The following KHDRBS2 variants were observed in gnomAD, a reference collection of about 807,000 sequenced individuals.
The protein encoded by KHDRBS2 is KH RNA binding domain containing, signal transduction associated 2.
A neutral mutation model predicts 44.3 loss-of-function variants in KHDRBS2; 26 were observed. The ratio of observed to expected loss-of-function variants is 0.59; its 90% confidence interval spans 0.43 to 0.81. The LOEUF (loss-of-function observed/expected upper bound fraction) is 0.81, where lower values mean the gene tolerates loss of function less well. Among genes scored for constraint, KHDRBS2 ranks in the 40% least tolerant of loss-of-function variants. The pLI is 0.00. For synonymous variants in KHDRBS2, 194 were observed against 151.1 expected (o/e 1.28, Z -2.08); for missense variants, 476 against 433.1 (o/e 1.10, Z -0.88).
rs148058062 is a variant in KHDRBS2, at chr6:61,989,575, T to C, written c.337-11363A>G. On this transcript the variant is annotated intron_variant, in intron 3 of 8. Transcript: ENST00000281156. ...TGCTTGGCTATAAAAAAATGTGAGA[T>C]TTCTTTCTGTCTTTGCAATCTCTTA... Among the ~76,000 whole-genome samples, 52 of 152,288 alleles carry C rather than the reference T, an allele frequency of 3.4e-4. No individual in the cohort carries two copies. The East Asian group carries it at 8.9e-3, about 26-fold the overall frequency.
At chr6:61,941,776 A>T (rs951572911) in intron 4 of KHDRBS2, among the ~76,000 whole-genome samples, 1 of 152,192 alleles carries the variant, frequency 6.6e-6, no homozygotes, top group African/African-American at 2.4e-5. Flanking sequence ...TTCTGCTATT[A>T]AAGCAAATTT....
At chr6:61,914,294 GATTGA>G (rs948502611) in intron 4 of KHDRBS2, among the ~76,000 whole-genome samples, 1 of 152,064 alleles carries the variant, frequency 6.6e-6, no homozygotes, top group African/African-American at 2.4e-5. Flanking sequence ...TTGTGCAACT[GATTGA>G]ATTGTAGTGC....
the KHDRBS2 span, among the ~76,000 whole-genome samples, chr6:61,644,355 G>A: frequency 5.9e-5 from 9 of 152,090 alleles, no homozygotes; most frequent in African/African-American, 2.2e-4. Flanking sequence ...TAAAATCCCT[G>A]GAAGACAACT....
intron 6 of KHDRBS2, among the ~76,000 whole-genome samples, chr6:61,840,043 A>C (rs1164103631): frequency 6.6e-6 from 1 of 152,070 alleles, no homozygotes; most frequent in Admixed American, 6.6e-5. Context: ...TTTTATAATA[A>C]TATTTGTCTT....
At chr6:62,027,943 C>T (rs1355370109) in intron 3 of KHDRBS2, among the ~76,000 whole-genome samples, 1 of 152,054 alleles carries the variant, frequency 6.6e-6, no homozygotes, top group Non-Finnish European at 1.5e-5. Flanking sequence ...AATTAACAAA[C>T]CCGAGGAAGT....
intron 1 of KHDRBS2, among the ~76,000 whole-genome samples, chr6:62,196,613 G>A (rs1177001813): frequency 6.6e-6 from 1 of 152,010 alleles, no homozygotes; most frequent in East Asian, 1.9e-4. Context: ...AACCCACATT[G>A]CCAGTTTCAG....
At chr6:61,817,031 G>A (rs982773259) in intron 6 of KHDRBS2, 5 of 453,394 alleles carry the variant, frequency 1.1e-5, no homozygotes, top group Non-Finnish European at 2.2e-5. Flanking sequence ...GAGGTACAGA[G>A]GTATGAGTTC....
the KHDRBS2 span, among the ~76,000 whole-genome samples, chr6:61,663,642 A>T: frequency 4.7e-5 from 7 of 149,032 alleles, no homozygotes; most frequent in African/African-American, 4.9e-5. Context: ...AGTATCCTTA[A>T]TGGCACGTGT....
At chr6:61,782,794 C>T (rs1251097536) in intron 6 of KHDRBS2, among the ~76,000 whole-genome samples, 2 of 146,552 alleles carry the variant, frequency 1.4e-5, no homozygotes, top group Non-Finnish European at 3.0e-5. Flanking sequence ...TATATATGGT[C>T]GGTCTGATCT....
intron 2 of KHDRBS2, among the ~76,000 whole-genome samples, chr6:62,058,459 G>C (rs1790817384): frequency 6.6e-6 from 1 of 151,828 alleles, no homozygotes. Context: ...ACTGTTCTGT[G>C]CTTTGGCAAC....
intron 4 of KHDRBS2, among the ~76,000 whole-genome samples, chr6:61,918,324 T>C (rs1217962129): frequency 2.0e-5 from 3 of 151,916 alleles, no homozygotes; most frequent in Non-Finnish European, 4.4e-5. Flanking sequence ...GCATACATTA[T>C]AAGGGACTAT....
chr6:62,209,701 G>C (rs1828691489), intron 1 of KHDRBS2, among the ~76,000 whole-genome samples: 1 of 152,112 alleles, frequency 6.6e-6, no homozygotes, highest in African/African-American at 2.4e-5. Context: ...ATCTGGATTG[G>C]CACCCTCTAA....
intron 6 of KHDRBS2, among the ~76,000 whole-genome samples, chr6:61,846,502 C>G (rs1794427634): frequency 1.3e-5 from 2 of 152,110 alleles, no homozygotes; most frequent in African/African-American, 4.8e-5. Flanking sequence ...TCAGAAAAGT[C>G]TGCCCTGAGC....
At chr6:61,955,785 T>C (rs1767083963) in intron 4 of KHDRBS2, among the ~76,000 whole-genome samples, 1 of 151,908 alleles carries the variant, frequency 6.6e-6, no homozygotes, top group Non-Finnish European at 1.5e-5. Flanking sequence ...TGGCATTTAC[T>C]AAGTATTTTT....
Position 62,048,043 on chromosome 6 carries a change from A to T in KHDRBS2, c.220-49T>A, listed in dbSNP as rs2127307701. ...GTCTGTTTTAAGGTACAATAAAGTG[A>T]TTATTTGCACCAAGAGTAATTGATA... On this transcript the variant is annotated intron_variant, in intron 2 of 8. Coordinates refer to ENST00000281156, the MANE Select transcript of KHDRBS2 (RefSeq NM_152688.4). The T allele has an allele frequency of 2.9e-6, 3 of 1,042,516 alleles. No individual in the cohort carries two copies. In the East Asian group the frequency reaches 7.3e-5, roughly 25 times the overall value. The allele number at this position is 1,042,516 out of a possible 1,614,324, so 64.6% of individuals were successfully genotyped here. A position where few individuals can be genotyped will look rare whatever the true frequency, so the allele number is the denominator to read the frequency against.
chr6:61,839,266 A>G (rs542200411), intron 6 of KHDRBS2, among the ~76,000 whole-genome samples: 1 of 151,978 alleles, frequency 6.6e-6, no homozygotes, highest in South Asian at 2.1e-4. Flanking sequence ...TTATGTATTT[A>G]TTTCTGATTA....
At chr6:62,241,094 T>C (rs960997001) in intron 1 of KHDRBS2, among the ~76,000 whole-genome samples, 15 of 152,120 alleles carry the variant, frequency 9.9e-5, no homozygotes, top group Admixed American at 9.2e-4. Context: ...GTAAAACATA[T>C]TTTGAAAAAT....
In KHDRBS2 at chr6:61,820,331, C is replaced by A. The variant is rs556546595; in HGVS notation, c.810+74304G>T. On this transcript the variant is annotated intron_variant, in intron 6 of 8. Transcript: ENST00000281156. ...TCAGGATGCGTTTTGTAAGTGTAACCAAAATCACTTCTTGATGGATTTGAT... is the reference window on the plus strand; with the variant it reads ...TCAGGATGCGTTTTGTAAGTGTAACAAAAATCACTTCTTGATGGATTTGAT... Among the ~76,000 whole-genome samples, 457 of 151,914 alleles carry A rather than the reference C, an allele frequency of 3.0e-3. 3 individuals carry two copies. Among genetic ancestry groups the A allele is most frequent in the Non-Finnish European group, 4.8e-3 (323 of 67,894 alleles).
At chr6:61,732,347 A>C (rs894994068) in intron 7 of KHDRBS2, among the ~76,000 whole-genome samples, 4 of 152,142 alleles carry the variant, frequency 2.6e-5, no homozygotes, top group Admixed American at 1.3e-4. Context: ...TTTAGGAAAA[A>C]AAAAAGCTAC....
Sources: gnomAD v4.1 joint callset for allele counts (sites outside exome capture counted in the v4.1 genomes callset) on GRCh38, gnomAD v4.1.1 for gene constraint, MANE v1.5 for transcripts, NCBI Gene and HGNC (gene_info 2026-07-23, HGNC 2026-07-21) for gene names.